The following AARS1 variants were observed in gnomAD, a reference collection of about 807,000 sequenced individuals.
AARS1 encodes alanyl-tRNA synthetase 1.
Under a neutral mutation model 108.9 loss-of-function variants are expected in AARS1, and 72 were observed. The observed-to-expected ratio is 0.66, with a 90% CI of 0.55 to 0.80. The LOEUF is 0.80. AARS1 is among the 30% of genes least tolerant of loss of function. The probability of loss-of-function intolerance (pLI) is 0.00; values close to 1 mark genes in which losing one functional copy is unlikely to be tolerated. For synonymous variants in AARS1, 489 were observed against 465.7 expected (o/e 1.05, Z -0.64); for missense variants, 1,193 against 1,233.2 (o/e 0.97, Z 0.49).
rs1960736361 is a variant in AARS1 at position 70,282,782 on chromosome 16, GA to G, written c.-20del. The stretch of plus-strand genomic sequence containing the variant: ...AGTCCATCTTGAAAGTCACCCCAAA[GA>G]ACTAATCAAAGAAAAAAAAATGAAG... On this transcript the variant is annotated splice_region_variant and 5_prime_UTR_variant, in exon 2 of 21. Coordinates refer to ENST00000261772, the MANE Select transcript of AARS1 (RefSeq NM_001605.3). 1 of 1,612,724 alleles carries G rather than the reference GA, an allele frequency of 6.2e-7. No homozygotes were observed. The highest frequency in any genetic ancestry group is 8.5e-7 in the Non-Finnish European group (1 of 1,179,450).
chr16:70,270,396 CA>C, intron 5 of AARS1, 56 bp from the exon 6 acceptor site: 1 of 1,603,472 alleles, frequency 6.2e-7, no homozygotes, highest in East Asian at 2.2e-5. Flanking sequence ...GCCACCTCTC[CA>C]GTCCCTGCTG....
At chr16:70,275,654 T>A (rs368488697) in intron 4 of AARS1, among the ~76,000 whole-genome samples, 1 of 151,792 alleles carries the variant, frequency 6.6e-6, no homozygotes, top group East Asian at 2.0e-4. Context: ...TCCCAGCTAC[T>A]CGGGAGGCTG....
At chr16:70,261,333 T>G in intron 12 of AARS1, 176 bp from the exon 13 acceptor site, 1 of 497,342 alleles carries the variant, frequency 2.0e-6, no homozygotes, top group South Asian at 1.9e-5. Context: ...CAGTGGCTCA[T>G]GACTGTAATC....
chr16:70,266,514 A>G (rs1960267120), intron 9 of AARS1, among the ~76,000 whole-genome samples: 2 of 147,278 alleles, frequency 1.4e-5, no homozygotes, highest in Admixed American at 6.7e-5. Context: ...AAACAACCTC[A>G]CCTGGACAAT....
intron 11 of AARS1, among the ~76,000 whole-genome samples, chr16:70,264,338 C>T (rs942705285): frequency 2.0e-5 from 3 of 151,714 alleles, no homozygotes; most frequent in Non-Finnish European, 2.9e-5. Context: ...TTCCCCGAGA[C>T]GGAATTTCAC....
Position 70,262,326 on chromosome 16 carries a change from AG to A in AARS1, c.1671+19del. The A allele has an allele frequency of 1.2e-6, 2 of 1,614,090 alleles. No homozygotes were observed. Among genetic ancestry groups the A allele is most frequent in the Middle Eastern group, 1.6e-4 (1 of 6,062 alleles). ...CACGCCTGGCCCTCCTCGGCTAACA[AG>A]GAAGAACTGTTGGCTCACATCTTCA... On this transcript the variant is annotated intron_variant, in intron 12 of 20. Transcript: ENST00000261772.
At chr16:70,274,727 C>T (rs1164852829) in intron 4 of AARS1, among the ~76,000 whole-genome samples, 15 of 8,756 alleles carry the variant, frequency 1.7e-3, no homozygotes, top group Admixed American at 0.011. Context: ...TCCATCTCGG[C>T]GGGGGTGGGG....
At chr16:70,257,950 C>T (rs1407191765) in intron 15 of AARS1, 83 bp downstream of exon 15, 2 of 1,495,302 alleles carry the variant, frequency 1.3e-6, no homozygotes, top group South Asian at 1.2e-5. Flanking sequence ...CTTAGACAGA[C>T]AAGAGTTGGT....
intron 20 of AARS1, among the ~76,000 whole-genome samples, 167 bp downstream of exon 20, chr16:70,253,101 G>GT (rs1165567117): frequency 2.6e-5 from 4 of 152,228 alleles, no homozygotes; most frequent in African/African-American, 4.8e-5. Flanking sequence ...GCAAAGCCAG[G>GT]TATCAACCAG....
chr16:70,282,188 G>C (rs1466986108), intron 2 of AARS1, among the ~76,000 whole-genome samples: 2 of 142,972 alleles, frequency 1.4e-5, no homozygotes, highest in Admixed American at 1.4e-4. Flanking sequence ...AATTTGCCAG[G>C]CATGGTGGCG....
At chr16:70,280,118 T>A (rs1454172085) in intron 2 of AARS1, among the ~76,000 whole-genome samples, 1 of 152,188 alleles carries the variant, frequency 6.6e-6, no homozygotes, top group East Asian at 1.9e-4. Flanking sequence ...GGTCTTCCTA[T>A]GTTGCCCAGG....
chr16:70,280,473 T>G (rs1293483066), intron 2 of AARS1, among the ~76,000 whole-genome samples: 1 of 152,184 alleles, frequency 6.6e-6, no homozygotes, highest in Non-Finnish European at 1.5e-5. Context: ...GCCCCATGTT[T>G]CATAATTTTA....
In AARS1 at chr16:70,270,326, A is replaced by AT; in HGVS notation, c.685dup (p.Ile229AsnfsTer11). 6.2e-7 allele frequency: 1 copy of AT among 1,614,186 alleles called. No homozygotes were observed. ...GCTTTTCTTGGGAAGAGGTTTCAGAATGCCATCAGCTTCCCTGTATGATCC... is the reference window on the plus strand; with the variant it reads ...GCTTTTCTTGGGAAGAGGTTTCAGAATTGCCATCAGCTTCCCTGTATGATCC... On this transcript the variant is annotated frameshift_variant, in exon 6 of 21. Coordinates refer to ENST00000261772, the MANE Select transcript of AARS1 (RefSeq NM_001605.3). LOFTEE classifies it high-confidence loss of function.
intron 8 of AARS1, among the ~76,000 whole-genome samples, 199 bp from the exon 9 acceptor site, chr16:70,268,008 A>C (rs997738555): frequency 2.0e-5 from 3 of 152,156 alleles, no homozygotes; most frequent in Non-Finnish European, 4.4e-5. Flanking sequence ...TCTCTACTAA[A>C]ACAGAAAAGA....
intron 1 of AARS1, among the ~76,000 whole-genome samples, chr16:70,286,305 A>T (rs1048295257): frequency 6.6e-6 from 1 of 151,664 alleles, no homozygotes; most frequent in African/African-American, 2.4e-5. Context: ...TACTAACAGG[A>T]GCTGTAAAGG....
chr16:70,280,541 A>C (rs562013969), intron 2 of AARS1, among the ~76,000 whole-genome samples: 2 of 152,286 alleles, frequency 1.3e-5, no homozygotes, highest in Non-Finnish European at 2.9e-5. Flanking sequence ...TCCATGCCAG[A>C]AAAGACACCT....
chr16:70,264,855 C>G (rs2152158215), intron 11 of AARS1, 103 bp downstream of exon 11: 1 of 1,440,318 alleles, frequency 6.9e-7, no homozygotes, highest in Non-Finnish European at 9.7e-7. Context: ...CCAGGAGAGG[C>G]TGTCAGCAGT....
At chr16:70,267,346 T>G (rs1335443017) in intron 9 of AARS1, among the ~76,000 whole-genome samples, 2 of 152,192 alleles carry the variant, frequency 1.3e-5, no homozygotes, top group African/African-American at 4.8e-5. Flanking sequence ...TGTATTTGCA[T>G]GCAAACAGAG....
intron 20 of AARS1, 39 bp from the exon 21 acceptor site, chr16:70,252,945 A>T: frequency 6.2e-7 from 1 of 1,602,098 alleles, no homozygotes; most frequent in Non-Finnish European, 8.5e-7. Flanking sequence ...AGCACAGAAG[A>T]TGGGATTGAG....
Sources: allele counts gnomAD v4.1 joint callset (sites outside exome capture counted in the v4.1 genomes callset), GRCh38; gene constraint gnomAD v4.1.1; transcripts MANE v1.5; gene names NCBI Gene and HGNC (gene_info 2026-07-23, HGNC 2026-07-21).